The following SIL1 variants were observed in gnomAD, a reference collection of about 807,000 sequenced individuals.
The protein encoded by SIL1 is nucleotide exchange factor SIL1.
A neutral mutation model predicts 49.1 loss-of-function variants in SIL1; 40 were observed. The observed-to-expected ratio is 0.81, with a 90% CI of 0.63 to 1.06. SIL1 has a LOEUF of 1.06. Among genes scored for constraint, SIL1 ranks in the 50% least tolerant of loss-of-function variants. The pLI is 0.00. For synonymous variants in SIL1, 253 were observed against 250.8 expected (o/e 1.01, Z -0.08); for missense variants, 500 against 572.6 (o/e 0.87, Z 1.29).
chr5:138,978,958 C>A (rs1321240825), intron 7 of SIL1, among the ~76,000 whole-genome samples: 1 of 152,100 alleles, frequency 6.6e-6, no homozygotes, highest in Non-Finnish European at 1.5e-5. Flanking sequence ...GATAAAAAGT[C>A]CCTTACCAGA....
In SIL1 at chr5:139,054,323, T is replaced by C. The variant is rs150037133; in HGVS notation, c.245-3277A>G. On this transcript the variant is annotated intron_variant, in intron 3 of 9. Coordinates refer to ENST00000394817, the MANE Select transcript of SIL1 (RefSeq NM_022464.5). ...CCACTTGAAGTCTGAGGTGGGAAGA[T>C]TGCCTGAGCTCAGGAGTTCAAGGCA... 9.2e-4 allele frequency among the ~76,000 whole-genome samples: 140 copies of C among 152,264 alleles called. 1 individual carries two copies. Among genetic ancestry groups the C allele is most frequent in the Non-Finnish European group, 1.4e-3 (92 of 68,028 alleles).
intron 7 of SIL1, among the ~76,000 whole-genome samples, chr5:139,005,272 AAG>A (rs1253432344): frequency 6.6e-6 from 1 of 152,084 alleles, no homozygotes; most frequent in African/African-American, 2.4e-5. Context: ...TTTAATTTAA[AAG>A]AAGTTCTAGT....
intron 6 of SIL1, among the ~76,000 whole-genome samples, chr5:139,026,526 C>T (rs1216510417): frequency 6.6e-6 from 1 of 152,124 alleles, no homozygotes; most frequent in Non-Finnish European, 1.5e-5. Context: ...TAGCTTGAAC[C>T]CAGGAGGTGG....
intron 3 of SIL1, among the ~76,000 whole-genome samples, chr5:139,100,974 G>C (rs1396980128): frequency 6.6e-6 from 1 of 151,984 alleles, no homozygotes; most frequent in Non-Finnish European, 1.5e-5. Flanking sequence ...GAAGCCATCA[G>C]ACTAGATGAG....
chr5:139,143,316 C>T (rs559483894), intron 1 of SIL1, among the ~76,000 whole-genome samples: 3,809 of 64,618 alleles, frequency 0.059, 221 homozygotes, highest in African/African-American at 0.14. Flanking sequence ...TACACACACA[C>T]ACACACACAC....
chr5:139,176,096 A>G (rs1751877806), intron 1 of SIL1, among the ~76,000 whole-genome samples: 1 of 152,164 alleles, frequency 6.6e-6, no homozygotes, highest in South Asian at 2.1e-4. Context: ...CCTGGTCTCA[A>G]GCAATCCTCC....
At chr5:139,011,731 A>C (rs2150420419) in intron 7 of SIL1, among the ~76,000 whole-genome samples, 1 of 152,270 alleles carries the variant, frequency 6.6e-6, no homozygotes, top group South Asian at 2.1e-4. Context: ...TTGTGAGCTC[A>C]TGATCATAGG....
At chr5:139,176,370 C>T (rs758693257) in intron 1 of SIL1, among the ~76,000 whole-genome samples, 46 of 152,322 alleles carry the variant, frequency 3.0e-4, no homozygotes, top group Admixed American at 1.2e-3. Context: ...AGGCTCCTTT[C>T]ATGGCAATGC....
At chr5:139,025,718 C>G (rs1414187012) in intron 6 of SIL1, among the ~76,000 whole-genome samples, 2 of 152,262 alleles carry the variant, frequency 1.3e-5, no homozygotes, top group Admixed American at 1.3e-4. Context: ...TCTCCCCAAG[C>G]TTGTCCCTGC....
intron 1 of SIL1, among the ~76,000 whole-genome samples, chr5:139,141,718 A>G (rs1396472924): frequency 6.6e-6 from 1 of 152,202 alleles, no homozygotes; most frequent in Non-Finnish European, 1.5e-5. Flanking sequence ...AATGGCATAC[A>G]TATGTAAATT....
intron 3 of SIL1, among the ~76,000 whole-genome samples, chr5:139,075,274 C>A (rs1363122891): frequency 1.3e-5 from 2 of 152,162 alleles, no homozygotes; most frequent in Non-Finnish European, 2.9e-5. Flanking sequence ...TGCAGTTCTG[C>A]CTGGAGGCAG....
chr5:139,031,172 G>A (rs1457116214), intron 5 of SIL1, among the ~76,000 whole-genome samples: 2 of 151,978 alleles, frequency 1.3e-5, no homozygotes, highest in African/African-American at 4.8e-5. Context: ...TACATTTGGT[G>A]CCATGTCATA....
At chr5:139,168,109 A>G (rs1751660947) in intron 1 of SIL1, among the ~76,000 whole-genome samples, 2 of 152,230 alleles carry the variant, frequency 1.3e-5, no homozygotes, top group Non-Finnish European at 2.9e-5. Context: ...CAAGCTGTAC[A>G]GGTTTTAGCC....
intron 7 of SIL1, among the ~76,000 whole-genome samples, chr5:139,011,242 C>A (rs535323270): frequency 1.3e-5 from 2 of 151,830 alleles, no homozygotes; most frequent in Admixed American, 1.3e-4. Context: ...GCGTCCGTCA[C>A]CCCTTTCTTT....
chr5:138,947,514 G>A lies in SIL1; in HGVS notation c.1030-41C>T, dbSNP rs1247343824. The A allele has an allele frequency of 4.0e-5, 63 of 1,577,956 alleles. No homozygotes were observed. The highest frequency in any genetic ancestry group is 5.1e-5 in the Non-Finnish European group (58 of 1,148,206). ...GCCGCAGGCCAGGTAGGGTGGGGGT[G>A]GGGAGAGAACACACAGGGAGCAGTT... On this transcript the variant is annotated intron_variant, in intron 9 of 9. Transcript: ENST00000394817. The surrounding 1 kb of genome is among the most constrained non-coding windows in gnomAD (Gnocchi z 4.1).
intron 7 of SIL1, among the ~76,000 whole-genome samples, chr5:138,990,818 C>G (rs1008915131): frequency 2.0e-5 from 3 of 152,196 alleles, no homozygotes; most frequent in African/African-American, 7.2e-5. Flanking sequence ...TGGGTTCAAG[C>G]GATTCTCCTG....
chr5:139,147,644 C>T (rs1751219307), intron 1 of SIL1, among the ~76,000 whole-genome samples: 1 of 152,302 alleles, frequency 6.6e-6, no homozygotes, highest in Non-Finnish European at 1.5e-5. Context: ...TTCCCCTCCT[C>T]CAAGTCCATG....
chr5:139,084,187 G>C (rs2151772183), intron 3 of SIL1, among the ~76,000 whole-genome samples: 2 of 151,952 alleles, frequency 1.3e-5, no homozygotes, highest in East Asian at 3.9e-4. Flanking sequence ...CTGTTGGTGG[G>C]ACTGTAAACT....
chr5:139,197,793 C>T lies in SIL1; in HGVS notation c.-11+476G>A, dbSNP rs555542625. ...TTATGCACAAAGCCCCTAGACGATC[C>T]GAGAGATAACACTAACCAGTCTGTA... On this transcript the variant is annotated intron_variant, in intron 1 of 9. Transcript: ENST00000394817. 6.6e-5 allele frequency among the ~76,000 whole-genome samples: 10 copies of T among 152,256 alleles called. No homozygotes were observed. In the South Asian group the frequency reaches 1.5e-3, roughly 22 times the overall value.
Sources: allele counts gnomAD v4.1 joint callset (sites outside exome capture counted in the v4.1 genomes callset), GRCh38; gene constraint gnomAD v4.1.1; non-coding constraint Gnocchi (gnomAD v3.1); transcripts MANE v1.5; gene names NCBI Gene and HGNC (gene_info 2026-07-23, HGNC 2026-07-21).